Variants in DUOXA1 observed in about 807,000 individuals in gnomAD.
The protein encoded by DUOXA1 is dual oxidase activator 1.
In DUOXA1, 19 loss-of-function variants were observed where a neutral mutation model predicts 26.6. The observed-to-expected ratio is 0.71, with a 90% confidence interval of 0.50 to 1.05. The LOEUF is 1.05. Among genes scored for constraint, DUOXA1 ranks in the 50% least tolerant of loss-of-function variants. DUOXA1 has a pLI of 0.00. For missense variants in DUOXA1, 403 were observed against 427.5 expected (o/e 0.94, Z 0.51); for synonymous variants, 166 against 177.0 (o/e 0.94, Z 0.49).
chr15:45,119,287 T>C lies in DUOXA1; in HGVS notation c.851A>G (p.Asn284Ser). Reference sequence around the variant, plus strand: ...CATGGGGTCTTCATCCACACTCTGGTTGAAGAAAGCCTTCAGCCTGTGAGG... The same window carrying C: ...CATGGGGTCTTCATCCACACTCTGGCTGAAGAAAGCCTTCAGCCTGTGAGG... ...MQPHRLKAFFNQSVDEDPMLE... is the reference protein window; with the variant it reads ...MQPHRLKAFFSQSVDEDPMLE... Residue 284 changes from asparagine (N) to serine (S), a missense_variant, in exon 9 of 9, where the codon AAC becomes AGC. Asn to Ser is a conservative substitution (Grantham distance 46). Coordinates refer to ENST00000560572, the MANE Select transcript of DUOXA1 (RefSeq NM_001276266.2). The C allele has an allele frequency of 6.2e-7, 1 of 1,614,142 alleles. No homozygotes were observed. The highest frequency in any genetic ancestry group is 8.5e-7 in the Non-Finnish European group (1 of 1,180,004).
At chr15:45,122,276 T>G (rs1261417938) in intron 4 of DUOXA1, 34 bp from the exon 5 acceptor site, 1 of 1,579,152 alleles carries the variant, frequency 6.3e-7, no homozygotes, top group African/African-American at 1.3e-5. Context: ...AAGTAAAGAG[T>G]GCCTTCCTTC....
chr15:45,120,602 C>T lies in DUOXA1; in HGVS notation c.544G>A (p.Ala182Thr), dbSNP rs12916804. Residue 182 changes from alanine to threonine, a missense_variant, in exon 7 of 9, where the codon GCC (alanine) becomes ACC (threonine). Transcript: ENST00000560572. ...QYRLAGHYTS[A>T]MLWVAFLCWL... ...CCTTCCCATCCTCACCATAGCATGG[C>T]TGAGGTGTAGTGTCCCGCCAGGCGG... The T allele has an allele frequency of 1.9e-6, 3 of 1,613,986 alleles. No individual in the cohort carries two copies. The highest frequency in any genetic ancestry group is 3.3e-5 in the Admixed American group (2 of 60,006).
At chr15:45,122,843 G>T (rs201740085) in intron 4 of DUOXA1, 25 bp downstream of exon 4, 51 of 1,593,448 alleles carry the variant, frequency 3.2e-5, no homozygotes, top group Non-Finnish European at 4.3e-5. Context: ...CTCTGGGCTG[G>T]GGTCTCCAGG....
At position 45,119,332 on chromosome 15, in the gene DUOXA1, G is replaced by A. The variant is rs779985265; in HGVS notation, c.806C>T (p.Ala269Val). ...GTGAGGCTGCATCCTGTGGGCCACC[G>A]CCATAGCCAGGCCCAGCAGCACACA... ...LLCVLLGLAM[A>V]VAHRMQPHRL... Residue 269 changes from alanine to valine, a missense_variant, in exon 9 of 9, where the codon GCG becomes GTG. Coordinates refer to ENST00000560572, the MANE Select transcript of DUOXA1 (RefSeq NM_001276266.2). 24 of 1,613,192 alleles carry A rather than the reference G, an allele frequency of 1.5e-5. No individual in the cohort carries two copies. The highest frequency in any genetic ancestry group is 1.7e-5 in the Admixed American group (1 of 59,918).
At chr15:45,120,512 A>T in intron 7 of DUOXA1, 80 bp downstream of exon 7, 1 of 1,523,832 alleles carries the variant, frequency 6.6e-7, no homozygotes, top group Non-Finnish European at 9.1e-7. Flanking sequence ...TACCCACATG[A>T]GTGGAGGAGA....
intron 3 of DUOXA1, among the ~76,000 whole-genome samples, chr15:45,128,450 C>T (rs978262250): frequency 5.9e-5 from 9 of 152,184 alleles, no homozygotes; most frequent in African/African-American, 2.2e-4. Context: ...ACAGCTACTG[C>T]AATGTGATGC....
chr15:45,127,091 A>C (rs1480391137), intron 3 of DUOXA1, among the ~76,000 whole-genome samples: 9 of 152,250 alleles, frequency 5.9e-5, no homozygotes, highest in Admixed American at 5.2e-4. Flanking sequence ...TTTATTTATG[A>C]CATGTAGACT....
chr15:45,119,974 G>T, intron 8 of DUOXA1, 129 bp downstream of exon 8: 1 of 995,022 alleles, frequency 1.0e-6, no homozygotes, highest in Non-Finnish European at 1.5e-6. Context: ...CAAGAGGGTG[G>T]GACTTTAAAG....
chr15:45,126,554 A>ATAACAATG (rs1181680243), intron 3 of DUOXA1, among the ~76,000 whole-genome samples: 2 of 152,248 alleles, frequency 1.3e-5, no homozygotes, highest in African/African-American at 4.8e-5. Flanking sequence ...TACCTTCATG[A>ATAACAATG]TAACAATGAT....
At position 45,117,683 on chromosome 15, in the gene DUOXA1, T is replaced by G. The variant is rs140808305; in HGVS notation, c.*1423A>C. On this transcript the variant is annotated 3_prime_UTR_variant, in exon 9 of 9. Transcript: ENST00000560572. The stretch of plus-strand genomic sequence containing the variant: ...TGGGCAACATAGCCCTGACTCCACA[T>G]GCCCTCCTTTCTTTCGATCCCCACC... 3 of 1,613,878 alleles carry G rather than the reference T, an allele frequency of 1.9e-6. No homozygotes were observed. The highest frequency in any genetic ancestry group is 2.2e-5 in the East Asian group (1 of 44,864).
In DUOXA1 at chr15:45,120,444, C is replaced by G. The variant is rs1024633431; in HGVS notation, c.555-124G>C. The G allele has an allele frequency of 3.2e-5, 46 of 1,455,346 alleles. No individual in the cohort carries two copies. In the Middle Eastern group the frequency reaches 6.0e-4, roughly 19 times the overall value. The allele number at this position is 1,455,346 out of a possible 1,614,324, so 90.2% of individuals were successfully genotyped here. ...CAAAGATATGAGGTAGGGATTCCTTCCCATGGACTTCCCAAGCCAGCACCA... is the reference window on the plus strand; with the variant it reads ...CAAAGATATGAGGTAGGGATTCCTTGCCATGGACTTCCCAAGCCAGCACCA... On this transcript the variant is annotated intron_variant, in intron 7 of 8. Transcript: ENST00000560572.
At chr15:45,119,882 C>T (rs1894996293) in intron 8 of DUOXA1, among the ~76,000 whole-genome samples, 1 of 147,536 alleles carries the variant, frequency 6.8e-6, no homozygotes, top group Non-Finnish European at 1.5e-5. Context: ...ATGACAGAGA[C>T]AGAGAAGATA....
At position 45,129,696 on chromosome 15, in the gene DUOXA1, C is replaced by T. The variant is rs1896014349; in HGVS notation, c.-302-81G>A. 6.5e-6 allele frequency: 1 copy of T among 152,698 alleles called. No homozygotes were observed. The highest frequency in any genetic ancestry group is 1.5e-5 in the Non-Finnish European group (1 of 68,132). 9.5% of individuals were successfully genotyped at this position (152,698 alleles called of 1,614,324 possible). A position where few individuals can be genotyped will look rare whatever the true frequency, so the allele number is the denominator to read the frequency against. On this transcript the variant is annotated intron_variant, in intron 1 of 8. Coordinates refer to ENST00000560572, the MANE Select transcript of DUOXA1 (RefSeq NM_001276266.2). This position sits in a 1 kb window ranked among gnomAD's most constrained non-coding sequence, Gnocchi z 4.1. ...CGAGAGGATCTGAGGAGAGTCTCCC[C>T]TCCCCATACCCTCTCCGCCTCCCAC...
At chr15:45,128,438 G>A (rs1895863312) in intron 3 of DUOXA1, among the ~76,000 whole-genome samples, 1 of 152,218 alleles carries the variant, frequency 6.6e-6, no homozygotes, top group South Asian at 2.1e-4. Flanking sequence ...GATTGGTAAT[G>A]CACAGCTACT....
In DUOXA1 at chr15:45,120,085, T is replaced by G. The variant is rs766561153; in HGVS notation, c.772+18A>C. 5 of 1,613,440 alleles carry G rather than the reference T, an allele frequency of 3.1e-6. No homozygotes were observed. Among genetic ancestry groups the G allele is most frequent in the Non-Finnish European group, 4.2e-6 (5 of 1,179,854 alleles). On this transcript the variant is annotated intron_variant, in intron 8 of 8. Coordinates refer to ENST00000560572, the MANE Select transcript of DUOXA1 (RefSeq NM_001276266.2). ...GGCCTTGAGACTTCTAGTGCTTGTC[T>G]TTAGGGCTGGGTCTTACCTGTGGTC...
chr15:45,118,130 G>GATAC lies in DUOXA1; in HGVS notation c.*975_*976insGTAT. On this transcript the variant is annotated 3_prime_UTR_variant, in exon 9 of 9. Coordinates refer to ENST00000560572, the MANE Select transcript of DUOXA1 (RefSeq NM_001276266.2). Reference sequence around the variant, plus strand: ...AACTGTTTTTCCCATTAATTTTCATGGCTTCTCCGCGCCGGGGTCGCACGT... The same window carrying GATAC: ...AACTGTTTTTCCCATTAATTTTCATGATACGCTTCTCCGCGCCGGGGTCGCACGT... The GATAC allele has an allele frequency of 1.1e-5, 16 of 1,443,462 alleles. No individual in the cohort carries two copies. The highest frequency in any genetic ancestry group is 5.5e-5 in the Admixed American group (2 of 36,448). The allele number at this position is 1,443,462 out of a possible 1,614,324, so 89.4% of individuals were successfully genotyped here.
chr15:45,120,574 T>C lies in DUOXA1; in HGVS notation c.554+18A>G. 6.2e-7 allele frequency: 1 copy of C among 1,613,256 alleles called. No homozygotes were observed. The highest frequency in any genetic ancestry group is 8.5e-7 in the Non-Finnish European group (1 of 1,179,332). ...CTAGGCTACCAGGGCCTCCACCCCG[T>C]CTCCTTCCCATCCTCACCATAGCAT... On this transcript the variant is annotated intron_variant, in intron 7 of 8. Coordinates refer to ENST00000560572, the MANE Select transcript of DUOXA1 (RefSeq NM_001276266.2).
At position 45,120,660 on chromosome 15, in the gene DUOXA1, A is replaced by G. The variant is rs1442684112; in HGVS notation, c.486T>C (p.Thr162=). The change falls in exon 7 of 9, where the codon ACT becomes ACC. Residue 162 remains threonine, a synonymous_variant. Transcript: ENST00000560572. ...GGTATAGGCCACATGGGCTTCTTGG[A>G]GTGAACTTCTCAGCTAGGTACAACA... is the stretch of plus-strand genomic sequence containing the variant. ...DPVLYLAEKF[T]PRSPCGLYRQ... 1.2e-6 allele frequency: 2 copies of G among 1,613,986 alleles called. No homozygotes were observed. Among genetic ancestry groups the G allele is most frequent in the East Asian group, 2.2e-5 (1 of 44,896 alleles).
chr15:45,124,598 C>T (rs904277119), intron 3 of DUOXA1, among the ~76,000 whole-genome samples: 30 of 152,212 alleles, frequency 2.0e-4, no homozygotes, highest in African/African-American at 7.2e-4. Flanking sequence ...CAACCTCCGC[C>T]TCCCAGAATC....
Sources: allele counts gnomAD v4.1 joint callset (sites outside exome capture counted in the v4.1 genomes callset), GRCh38; gene constraint gnomAD v4.1.1; non-coding constraint Gnocchi (gnomAD v3.1); transcripts MANE v1.5; gene names NCBI Gene and HGNC (gene_info 2026-07-23, HGNC 2026-07-21).